The following SIMC1 variants were observed in gnomAD, a reference collection of about 807,000 sequenced individuals.
SIMC1 encodes SUMO-interacting motif-containing protein 1.
In SIMC1, 55 loss-of-function variants were observed where a neutral mutation model predicts 82.3. That is an observed-to-expected ratio of 0.67 (90% CI 0.54 to 0.84). SIMC1 has a LOEUF of 0.84. Among genes scored for constraint, SIMC1 ranks in the 40% least tolerant of loss-of-function variants. The probability of loss-of-function intolerance (pLI) is 0.00; values close to 1 mark genes in which losing one functional copy is unlikely to be tolerated. For missense variants in SIMC1, 915 were observed against 1,107.2 expected (o/e 0.83, Z 2.46); for synonymous variants, 353 against 426.3 (o/e 0.83, Z 2.12).
At chr5:176,311,988 A>G (rs1764683560) in intron 4 of SIMC1, among the ~76,000 whole-genome samples, 1 of 152,236 alleles carries the variant, frequency 6.6e-6, no homozygotes, top group Non-Finnish European at 1.5e-5. Flanking sequence ...GATACTGTCT[A>G]TAGATGATGG....
intron 1 of SIMC1, among the ~76,000 whole-genome samples, chr5:176,283,903 C>A (rs1763135721): frequency 6.6e-6 from 1 of 152,014 alleles, no homozygotes. Context: ...GACTTTAAAG[C>A]AACAAAGATA....
intron 1 of SIMC1, among the ~76,000 whole-genome samples, chr5:176,280,728 G>C (rs1349595535): frequency 6.6e-6 from 1 of 151,870 alleles, no homozygotes; most frequent in Admixed American, 6.6e-5. Context: ...ATTCTGGGTT[G>C]AAAATTCTTT....
chr5:176,283,311 C>CT (rs974941093), intron 1 of SIMC1, among the ~76,000 whole-genome samples: 52 of 152,342 alleles, frequency 3.4e-4, no homozygotes, highest in African/African-American at 1.2e-3. Context: ...GCCCATCAGA[C>CT]TAACAGCTAA....
chr5:176,338,073 T>C (rs1487757669), intron 9 of SIMC1, among the ~76,000 whole-genome samples: 1 of 152,178 alleles, frequency 6.6e-6, no homozygotes, highest in Non-Finnish European at 1.5e-5. Flanking sequence ...TCTTCCTGGA[T>C]GTGATTGACG....
intron 7 of SIMC1, among the ~76,000 whole-genome samples, chr5:176,325,574 T>C (rs1765359174): frequency 6.6e-6 from 1 of 150,700 alleles, no homozygotes; most frequent in South Asian, 2.1e-4. Context: ...TAGTCCCAGC[T>C]ACTCAGGAGG....
intron 3 of SIMC1, among the ~76,000 whole-genome samples, chr5:176,295,495 T>C (rs1763774897): frequency 6.6e-6 from 1 of 152,224 alleles, no homozygotes; most frequent in Non-Finnish European, 1.5e-5. Context: ...TGTGACTTGA[T>C]TCAGTATACA....
intron 2 of SIMC1, among the ~76,000 whole-genome samples, chr5:176,291,210 C>T (rs1763550096): frequency 1.4e-5 from 2 of 138,214 alleles, no homozygotes; most frequent in Non-Finnish European, 3.0e-5. Context: ...GTCTCCCAGG[C>T]TAGAGTGCAG....
At chr5:176,245,517 T>G (rs1202761922) in intron 1 of SIMC1, among the ~76,000 whole-genome samples, 1 of 152,228 alleles carries the variant, frequency 6.6e-6, no homozygotes, top group Admixed American at 6.5e-5. Context: ...TATAGCCTCT[T>G]GTCATACATG....
chr5:176,272,805 A>G (rs893017148), intron 1 of SIMC1, among the ~76,000 whole-genome samples: 5 of 152,192 alleles, frequency 3.3e-5, no homozygotes, highest in Non-Finnish European at 5.9e-5. Flanking sequence ...CCTAGCTTGG[A>G]GGGTCCCACA....
chr5:176,290,021 T>G lies in SIMC1; in HGVS notation c.497T>G (p.Phe166Cys). Residue 166 changes from phenylalanine (F) to cysteine (C), a missense_variant, in exon 2 of 10, where the codon TTC becomes TGC. This residue lies in a region of SIMC1 where 902 missense variants were observed against 1,040.3 expected (regional missense o/e 0.87). Coordinates refer to ENST00000429602, the MANE Select transcript of SIMC1 (RefSeq NM_001308195.2). ...GAGCCTAATTGTAGCTCAGCCACAT[T>G]CACAGGTAACCTCAGCTTCTTGGCA... is the stretch of plus-strand genomic sequence containing the variant. ...PTEPNCSSAT[F>C]TGNLSFLASL... 6.2e-7 allele frequency: 1 copy of G among 1,613,616 alleles called. No individual in the cohort carries two copies. Among genetic ancestry groups the G allele is most frequent in the Non-Finnish European group, 8.5e-7 (1 of 1,179,764 alleles).
At chr5:176,288,886 T>G (rs544740039) in intron 1 of SIMC1, among the ~76,000 whole-genome samples, 1 of 152,352 alleles carries the variant, frequency 6.6e-6, no homozygotes, top group South Asian at 2.1e-4. Context: ...ACCTCTGTAC[T>G]GTATCATTAG....
At position 176,290,452 on chromosome 5, in the gene SIMC1, C is replaced by T. The variant is rs751394562; in HGVS notation, c.928C>T (p.Arg310Trp). 3.1e-6 allele frequency: 5 copies of T among 1,613,974 alleles called. No individual in the cohort carries two copies. The highest frequency in any genetic ancestry group is 1.7e-5 in the Admixed American group (1 of 60,022). Reference sequence around the variant, plus strand: ...TGTGGCATACCTGCAAGACATGCCACGGTCACCAGGAGATGTGCCACAGTC... The same window carrying T: ...TGTGGCATACCTGCAAGACATGCCATGGTCACCAGGAGATGTGCCACAGTC... ...QDVAYLQDMP[R>W]SPGDVPQSPS... The change falls in exon 2 of 10, where the codon CGG becomes TGG. Residue 310 changes from arginine to tryptophan, a missense_variant. Transcript: ENST00000429602.
chr5:176,242,556 A>G (rs1180679907), intron 1 of SIMC1, among the ~76,000 whole-genome samples: 1 of 151,944 alleles, frequency 6.6e-6, no homozygotes, highest in Non-Finnish European at 1.5e-5. Flanking sequence ...AATTGTTATA[A>G]ATCGCCAAAA....
At chr5:176,295,558 T>A (rs889277111) in intron 3 of SIMC1, among the ~76,000 whole-genome samples, 4 of 151,802 alleles carry the variant, frequency 2.6e-5, no homozygotes, top group Non-Finnish European at 4.4e-5. Flanking sequence ...TGTTTGGGGC[T>A]GCATGTGGTA....
intron 1 of SIMC1, among the ~76,000 whole-genome samples, chr5:176,251,157 C>A (rs539806569): frequency 6.6e-6 from 1 of 152,062 alleles, no homozygotes; most frequent in Non-Finnish European, 1.5e-5. Flanking sequence ...GTCAGGAGAT[C>A]GAGACCATCC....
chr5:176,246,822 A>C (rs1432788687), intron 1 of SIMC1, among the ~76,000 whole-genome samples: 3 of 150,714 alleles, frequency 2.0e-5, no homozygotes, highest in Admixed American at 1.3e-4. Context: ...ATGTGTTCTC[A>C]TTGTTCAACT....
intron 4 of SIMC1, among the ~76,000 whole-genome samples, chr5:176,300,287 A>T (rs1386579470): frequency 6.6e-6 from 1 of 152,152 alleles, no homozygotes; most frequent in Non-Finnish European, 1.5e-5. Context: ...TAGGGAAAAA[A>T]TGAACAAAAC....
intron 1 of SIMC1, among the ~76,000 whole-genome samples, chr5:176,273,619 G>C (rs1762546045): frequency 6.6e-6 from 1 of 152,106 alleles, no homozygotes; most frequent in East Asian, 1.9e-4. Context: ...TCGTCATCTA[G>C]CATTAGGTAT....
intron 5 of SIMC1, 54 bp downstream of exon 5, chr5:176,313,899 C>G: frequency 6.2e-7 from 1 of 1,602,254 alleles, no homozygotes; most frequent in Non-Finnish European, 8.5e-7. Flanking sequence ...TATAGGTGGG[C>G]AGCTGCTGAA....
Sources: gnomAD v4.1 joint callset for allele counts (sites outside exome capture counted in the v4.1 genomes callset) on GRCh38, gnomAD v4.1.1 for gene constraint, gnomAD v4.1.1 regional missense constraint, MANE v1.5 for transcripts, NCBI Gene and HGNC (gene_info 2026-07-23, HGNC 2026-07-21) for gene names.